The following NEGR1 variants were observed in gnomAD, a reference collection of about 807,000 sequenced individuals.
NEGR1 encodes IgLON family member 4.
Under a neutral mutation model 40.9 loss-of-function variants are expected in NEGR1, and 10 were observed. That is an observed-to-expected ratio of 0.24 (90% CI 0.15 to 0.42). NEGR1 has a LOEUF of 0.42. NEGR1 is among the 10% of genes least tolerant of loss of function. The probability of loss-of-function intolerance (pLI) is 1.00; values close to 1 mark genes in which losing one functional copy is unlikely to be tolerated. For missense variants in NEGR1, 352 were observed against 438.9 expected (o/e 0.80, Z 1.77); for synonymous variants, 185 against 166.8 (o/e 1.11, Z -0.84).
At chr1:72,014,378 C>A (rs967565489) in intron 1 of NEGR1, among the ~76,000 whole-genome samples, 1 of 151,988 alleles carries the variant, frequency 6.6e-6, no homozygotes, top group Admixed American at 6.6e-5. Context: ...AATTCAACAG[C>A]TGTATTTTTA....
intron 2 of NEGR1, among the ~76,000 whole-genome samples, chr1:71,823,503 C>T (rs1335315056): frequency 1.3e-5 from 2 of 151,992 alleles, no homozygotes; most frequent in African/African-American, 2.4e-5. Context: ...ACACGCTTTG[C>T]ATTTCCAGGT....
chr1:72,091,310 A>T (rs990317553), intron 1 of NEGR1, among the ~76,000 whole-genome samples: 1 of 151,996 alleles, frequency 6.6e-6, no homozygotes, highest in Non-Finnish European at 1.5e-5. Flanking sequence ...TATTTATCAG[A>T]TTCTTTTTTC....
At position 72,172,066 on chromosome 1, in the gene NEGR1, A is replaced by T. The variant is rs111407909; in HGVS notation, c.176+110253T>A. On this transcript the variant is annotated intron_variant, in intron 1 of 6. Transcript: ENST00000357731. The stretch of plus-strand genomic sequence containing the variant: ...AGGAAAAAAGTAGTGGCTTGGAACT[A>T]AACATTTTGATATTATGAATCAGCA... Among the ~76,000 whole-genome samples, 1,008 of 152,280 alleles carry T rather than the reference A, an allele frequency of 6.6e-3. 16 individuals are homozygous for T. The highest frequency in any genetic ancestry group is 0.023 in the African/African-American group (960 of 41,558).
At chr1:71,753,427 C>A (rs778025869) in intron 3 of NEGR1, among the ~76,000 whole-genome samples, 2 of 152,118 alleles carry the variant, frequency 1.3e-5, no homozygotes, top group Admixed American at 6.5e-5. Flanking sequence ...TGACTACACC[C>A]ACATGAATCC....
chr1:71,426,935 G>A (rs1376224049), intron 6 of NEGR1, among the ~76,000 whole-genome samples: 1 of 152,130 alleles, frequency 6.6e-6, no homozygotes, highest in Non-Finnish European at 1.5e-5. Context: ...CCATATCAAA[G>A]AAATGCCAGT....
At chr1:71,449,640 T>C (rs1329204843) in intron 6 of NEGR1, among the ~76,000 whole-genome samples, 4 of 152,232 alleles carry the variant, frequency 2.6e-5, no homozygotes, top group Non-Finnish European at 5.9e-5. Context: ...AGTAGCACTT[T>C]AAAAGTTTAT....
intron 2 of NEGR1, among the ~76,000 whole-genome samples, chr1:71,850,689 G>A (rs975487423): frequency 6.6e-6 from 1 of 151,782 alleles, no homozygotes; most frequent in African/African-American, 2.4e-5. Context: ...TTGTTAACTT[G>A]GGAAAGAGAG....
chr1:72,027,561 A>G, intron 1 of NEGR1, among the ~76,000 whole-genome samples: 1 of 152,150 alleles, frequency 6.6e-6, no homozygotes, highest in Middle Eastern at 3.4e-3. Context: ...AAAAAATAAT[A>G]TATAAAAAAT....
chr1:71,545,489 T>C (rs1647863256), intron 6 of NEGR1, among the ~76,000 whole-genome samples: 1 of 151,724 alleles, frequency 6.6e-6, no homozygotes, highest in African/African-American at 2.4e-5. Context: ...GTCTTGTAGA[T>C]TGTCCACCAT....
intron 2 of NEGR1, among the ~76,000 whole-genome samples, chr1:71,808,765 AT>A (rs377375848): frequency 2.6e-5 from 4 of 152,112 alleles, no homozygotes; most frequent in East Asian, 3.9e-4. Context: ...AAAATGAGAC[AT>A]TTTTTTTCAC....
intron 1 of NEGR1, among the ~76,000 whole-genome samples, chr1:72,148,244 G>T (rs1387335512): frequency 2.0e-5 from 3 of 152,110 alleles, no homozygotes; most frequent in African/African-American, 7.2e-5. Flanking sequence ...CTAGACGGAG[G>T]TTCCCAAACC....
chr1:71,754,562 C>T (rs965327500), intron 3 of NEGR1, among the ~76,000 whole-genome samples: 3 of 152,054 alleles, frequency 2.0e-5, no homozygotes, highest in Non-Finnish European at 4.4e-5. Flanking sequence ...AATAGCATCC[C>T]TATCTGGAAC....
chr1:71,945,571 T>C (rs1038663113), intron 1 of NEGR1, among the ~76,000 whole-genome samples: 1 of 152,018 alleles, frequency 6.6e-6, no homozygotes, highest in Non-Finnish European at 1.5e-5. Context: ...AAGTACTTCA[T>C]TCATTTACTC....
intron 6 of NEGR1, among the ~76,000 whole-genome samples, chr1:71,451,572 G>A (rs1219353532): frequency 6.6e-6 from 1 of 152,006 alleles, no homozygotes; most frequent in Non-Finnish European, 1.5e-5. Flanking sequence ...CTAACCTCAG[G>A]TGATCCCCCC....
chr1:72,099,576 C>G (rs1451756538), intron 1 of NEGR1, among the ~76,000 whole-genome samples: 1 of 151,864 alleles, frequency 6.6e-6, no homozygotes, highest in Non-Finnish European at 1.5e-5. Flanking sequence ...GAGTAAATGA[C>G]TTATCACTCG....
chr1:71,452,120 AC>A (rs1341758520), intron 6 of NEGR1, among the ~76,000 whole-genome samples: 2 of 151,924 alleles, frequency 1.3e-5, no homozygotes, highest in South Asian at 2.1e-4. Flanking sequence ...CCATTTGTAA[AC>A]CCCCCAACAC....
intron 6 of NEGR1, among the ~76,000 whole-genome samples, chr1:71,465,269 T>C (rs1256238354): frequency 6.6e-6 from 1 of 152,108 alleles, no homozygotes; most frequent in African/African-American, 2.4e-5. Flanking sequence ...CGCTAGATGC[T>C]GAAGATATAG....
intron 1 of NEGR1, among the ~76,000 whole-genome samples, chr1:72,077,645 T>TAAAC (rs1189417771): frequency 2.0e-5 from 3 of 150,524 alleles, no homozygotes; most frequent in African/African-American, 7.3e-5. Context: ...AATAAATAAA[T>TAAAC]AAATAAATAA....
At chr1:72,112,379 AT>A (rs147798425) in intron 1 of NEGR1, among the ~76,000 whole-genome samples, 2,857 of 151,322 alleles carry the variant, frequency 0.019, 105 homozygotes, top group African/African-American at 0.066. Flanking sequence ...AACTTATTTC[AT>A]TTTTTCCAAA....
Sources: allele counts gnomAD v4.1 joint callset (sites outside exome capture counted in the v4.1 genomes callset), GRCh38; gene constraint gnomAD v4.1.1; transcripts MANE v1.5; gene names NCBI Gene and HGNC (gene_info 2026-07-23, HGNC 2026-07-21).